The following STAB1 variants were observed in gnomAD, a reference collection of about 807,000 sequenced individuals.
STAB1 encodes stabilin-1.
Under a neutral mutation model 332.4 loss-of-function variants are expected in STAB1, and 250 were observed. The observed-to-expected ratio is 0.75, with a 90% CI of 0.68 to 0.84. STAB1 has a LOEUF of 0.84. Ranked by LOEUF, STAB1 falls within the 40% of genes least tolerant of loss-of-function variation. The probability of loss-of-function intolerance (pLI) is 0.00; values close to 1 mark genes in which losing one functional copy is unlikely to be tolerated. For missense variants in STAB1, 3,249 were observed against 3,489.7 expected (o/e 0.93, Z 1.74); for synonymous variants, 1,475 against 1,390.4 (o/e 1.06, Z -1.35).
In STAB1 at chr3:52,518,646, C is replaced by A. The variant is rs750866829; in HGVS notation, c.4887+33C>A. 4.3e-6 allele frequency: 7 copies of A among 1,611,032 alleles called. No homozygotes were observed. The South Asian group carries it at 7.7e-5, about 18-fold the overall frequency. On this transcript the variant is annotated intron_variant, in intron 47 of 68. Transcript: ENST00000321725. ...GCCCCCAGAGCGAGGCTGGGCAGGGCTGGGTGCTCTGGTGGTGGCCCTGCG... is the reference window on the plus strand; with the variant it reads ...GCCCCCAGAGCGAGGCTGGGCAGGGATGGGTGCTCTGGTGGTGGCCCTGCG...
chr3:52,505,419 C>T (rs1282962014), intron 14 of STAB1, 38 bp downstream of exon 14: 1 of 1,592,186 alleles, frequency 6.3e-7, no homozygotes, highest in Non-Finnish European at 8.6e-7. Flanking sequence ...ATGTGGGCTT[C>T]TGGGCTTCTG....
Position 52,513,893 on chromosome 3 carries a change from C to A in STAB1, c.3359C>A (p.Pro1120His). ...VLHILSQVLL[P>H]PRGDVPGGQG... is the part of the protein sequence containing the mutation. ...TGTGCTCTGTACCAGGTCTTACTGC[C>A]CCCCCGAGGGGATGTGCCCGGTGGG... is the stretch of plus-strand genomic sequence containing the variant. The change falls in exon 32 of 69, where the codon CCC becomes CAC. Residue 1120 changes from proline to histidine, a missense_variant. By Grantham distance (77) the Pro-to-His change is moderately conservative. Coordinates refer to ENST00000321725, the MANE Select transcript of STAB1 (RefSeq NM_015136.3). 4 of 1,604,546 alleles carry A rather than the reference C, an allele frequency of 2.5e-6. No individual in the cohort carries two copies. Among genetic ancestry groups the A allele is most frequent in the Non-Finnish European group, 3.4e-6 (4 of 1,173,236 alleles).
rs137992546 is a variant in STAB1, at chr3:52,523,261, G to A, written c.7060G>A (p.Asp2354Asn). ...GYANATQRGL[D>N]FLDFLDDELT... The stretch of plus-strand genomic sequence containing the variant: ...TGCCAATGCCACCCAGCGGGGTCTC[G>A]ACTTCCTGGACTTCCTGGATGATGA... Residue 2354 changes from aspartate to asparagine, a missense_variant, in exon 64 of 69, where the codon GAC (aspartate) becomes AAC (asparagine). By Grantham distance (23) the Asp-to-Asn change is conservative. Coordinates refer to ENST00000321725, the MANE Select transcript of STAB1 (RefSeq NM_015136.3). The A allele has an allele frequency of 6.2e-5, 100 of 1,612,886 alleles. No homozygotes were observed. Among genetic ancestry groups the A allele is most frequent in the East Asian group, 2.9e-4 (13 of 44,874 alleles).
In STAB1 at chr3:52,510,339, G is replaced by A; in HGVS notation, c.2629-10G>A. 1 of 1,613,894 alleles carries A rather than the reference G, an allele frequency of 6.2e-7. No individual in the cohort carries two copies. Among genetic ancestry groups the A allele is most frequent in the Non-Finnish European group, 8.5e-7 (1 of 1,179,904 alleles). ...TGTGTCCCTCAGTTATTTATCCATGGCTCTCACAGGCTGAGTGTGTCCCTG... is the reference window on the plus strand; with the variant it reads ...TGTGTCCCTCAGTTATTTATCCATGACTCTCACAGGCTGAGTGTGTCCCTG... On this transcript the variant is annotated splice_polypyrimidine_tract_variant and intron_variant, in intron 24 of 68. Coordinates refer to ENST00000321725, the MANE Select transcript of STAB1 (RefSeq NM_015136.3).
intron 46 of STAB1, 69 bp downstream of exon 46, chr3:52,518,428 G>T: frequency 6.3e-7 from 1 of 1,583,660 alleles, no homozygotes; most frequent in South Asian, 1.1e-5. Flanking sequence ...TCCCCATCTG[G>T]TCAGGGGGTT....
chr3:52,501,548 G>T, intron 2 of STAB1, 90 bp from the exon 3 acceptor site: 1 of 1,280,304 alleles, frequency 7.8e-7, no homozygotes, highest in Non-Finnish European at 1.1e-6. Context: ...CAGGGAGGTG[G>T]GTGGGAGCCC....
chr3:52,516,484 G>T (rs1559706541), intron 39 of STAB1, 33 bp downstream of exon 39: 1 of 1,613,484 alleles, frequency 6.2e-7, no homozygotes, highest in African/African-American at 1.3e-5. Context: ...GGGGCAGGTG[G>T]CTACTGAGGA....
At chr3:52,508,473 C>A in intron 21 of STAB1, 114 bp downstream of exon 21, 1 of 966,432 alleles carries the variant, frequency 1.0e-6, no homozygotes, top group South Asian at 1.3e-5. Context: ...CCTTGGGATT[C>A]TCATATCTAT....
At chr3:52,506,896 C>G (rs1708917985) in intron 18 of STAB1, 46 bp downstream of exon 18, 3 of 1,599,404 alleles carry the variant, frequency 1.9e-6, no homozygotes, top group Non-Finnish European at 1.7e-6. Flanking sequence ...TAACCCCTGT[C>G]AGCGCTGGAG....
At chr3:52,498,280 G>A (rs1007634151) in intron 1 of STAB1, among the ~76,000 whole-genome samples, 1 of 152,216 alleles carries the variant, frequency 6.6e-6, no homozygotes, top group Non-Finnish European at 1.5e-5. Flanking sequence ...GGTTGGGGGG[G>A]AGACAGCACC....
In STAB1 at chr3:52,507,693, C is replaced by T; in HGVS notation, c.2052+18C>T. ...TGAAGCTGGTGAGCACACCTTGGCC[C>T]AGCTCTCAGGGCCTCCTGACTGCCT... On this transcript the variant is annotated intron_variant, in intron 19 of 68. Transcript: ENST00000321725. 9.3e-6 allele frequency: 15 copies of T among 1,613,404 alleles called. No individual in the cohort carries two copies. The highest frequency in any genetic ancestry group is 1.2e-5 in the Non-Finnish European group (14 of 1,179,976).
chr3:52,509,299 G>A lies in STAB1; in HGVS notation c.2325G>A (p.Lys775=). Residue 775 remains lysine (K), a synonymous_variant, in exon 22 of 69, where the codon AAG becomes AAA. Coordinates refer to ENST00000321725, the MANE Select transcript of STAB1 (RefSeq NM_015136.3). The part of the protein sequence containing the change: ...IACHICSNPN[K]HGEQCQEDCG... ...GCCACATCTGCTCGAACCCAAACAA[G>A]CATGGAGAGCAATGCCAGGAAGGTG... The A allele has an allele frequency of 1.2e-6, 2 of 1,613,482 alleles. No individual in the cohort carries two copies. The highest frequency in any genetic ancestry group is 1.7e-6 in the Non-Finnish European group (2 of 1,179,976).
In STAB1 at chr3:52,503,976, C is replaced by A. The variant is rs1708649612; in HGVS notation, c.1023-52C>A. ...CCTCTGCGGGAAGGCGTGGGGGGTG[C>A]GGTGGGGGGGGCCTCAGCCTCCGCC... On this transcript the variant is annotated intron_variant, in intron 9 of 68. Transcript: ENST00000321725. 21 of 1,543,942 alleles carry A rather than the reference C, an allele frequency of 1.4e-5. No individual in the cohort carries two copies. The East Asian group carries it at 4.6e-4, about 34-fold the overall frequency.
intron 48 of STAB1, 69 bp downstream of exon 48, chr3:52,518,938 G>A (rs916682182): frequency 1.1e-5 from 11 of 973,542 alleles, no homozygotes; most frequent in Non-Finnish European, 1.5e-5. Context: ...ATTGCCCCAG[G>A]CCCCACGGCC....
Position 52,513,259 on chromosome 3 carries a change from G to T in STAB1, c.3270+18G>T. ...TTAGTGGGGTATGTGGTGAACTCTGGGCAGAAAAGGGGACCAGGTAGGGCA... is the reference window on the plus strand; with the variant it reads ...TTAGTGGGGTATGTGGTGAACTCTGTGCAGAAAAGGGGACCAGGTAGGGCA... On this transcript the variant is annotated intron_variant, in intron 30 of 68. Transcript: ENST00000321725. 2 of 1,552,584 alleles carry T rather than the reference G, an allele frequency of 1.3e-6. No individual in the cohort carries two copies. Among genetic ancestry groups the T allele is most frequent in the East Asian group, 2.4e-5 (1 of 42,364 alleles).
chr3:52,524,300 G>A lies in STAB1; in HGVS notation c.7657G>A (p.Asp2553Asn). Residue 2553 changes from aspartate (D) to asparagine (N), a missense_variant and splice_region_variant, in exon 69 of 69, where the codon GAC becomes AAC. By Grantham distance (23) the Asp-to-Asn change is conservative (BLOSUM62 1). Coordinates refer to ENST00000321725, the MANE Select transcript of STAB1 (RefSeq NM_015136.3). ...GSDTFCEPFD[D>N]SLLEEDFPDT... Reference sequence around the variant, plus strand: ...TCCACCACCAACCCTGCTCTTCTAGGACTCACTGCTGGAGGAGGACTTCCC... The same window carrying A: ...TCCACCACCAACCCTGCTCTTCTAGAACTCACTGCTGGAGGAGGACTTCCC... The A allele has an allele frequency of 6.2e-7, 1 of 1,613,946 alleles. No homozygotes were observed. The highest frequency in any genetic ancestry group is 1.1e-5 in the South Asian group (1 of 91,086).
chr3:52,498,939 G>A (rs533319292), intron 1 of STAB1, among the ~76,000 whole-genome samples: 1 of 152,256 alleles, frequency 6.6e-6, no homozygotes, highest in East Asian at 1.9e-4. Flanking sequence ...TTTGCAGACC[G>A]CAGAGGCATG....
Position 52,512,394 on chromosome 3 carries a change from C to T in STAB1, c.2937C>T (p.Gly979=), listed in dbSNP as rs774786594. The change falls in exon 27 of 69, where the codon GGC becomes GGT. Residue 979 remains glycine (G), a synonymous_variant. Transcript: ENST00000321725. ...AGCGGGTCTGCACGTGCCCCCCTGG[C>T]TTTGGGGGTGATGGCTTCAGCTGTT... ...GGQRVCTCPP[G]FGGDGFSCYG... 6.2e-7 allele frequency: 1 copy of T among 1,610,498 alleles called. No individual in the cohort carries two copies.
Position 52,495,434 on chromosome 3 carries a change from C to A in STAB1, c.21C>A (p.Leu7=). 1 of 1,342,808 alleles carries A rather than the reference C, an allele frequency of 7.4e-7. No homozygotes were observed. The highest frequency in any genetic ancestry group is 9.6e-7 in the Non-Finnish European group (1 of 1,040,356). The allele number at this position is 1,342,808 out of a possible 1,614,324, so 83.2% of individuals were successfully genotyped here. A position where few individuals can be genotyped will look rare whatever the true frequency, so the allele number is the denominator to read the frequency against. Residue 7 remains leucine (L), a synonymous_variant, in exon 1 of 69, where the codon CTC becomes CTA. Transcript: ENST00000321725. ...CAGCCATGGCGGGGCCCCGGGGCCT[C>A]CTCCCACTCTGCCTCCTGGCCTTCT... MAGPRG[L]LPLCLLAFCL... is the part of the protein sequence containing the mutation.
Sources: allele counts gnomAD v4.1 joint callset (sites outside exome capture counted in the v4.1 genomes callset), GRCh38; gene constraint gnomAD v4.1.1; transcripts MANE v1.5; gene names NCBI Gene and HGNC (gene_info 2026-07-23, HGNC 2026-07-21).